Variants in FBXO44 observed in about 807,000 individuals in gnomAD.
FBXO44 encodes the protein F-box only protein 44.
A neutral mutation model predicts 33.5 loss-of-function variants in FBXO44; 25 were observed. The ratio of observed to expected loss-of-function variants is 0.75; its 90% CI spans 0.54 to 1.04. The LOEUF (loss-of-function observed/expected upper bound fraction) is 1.04. FBXO44 is among the 50% of genes least tolerant of loss of function. The pLI is 0.00. For missense variants in FBXO44, 311 were observed against 344.0 expected (o/e 0.90, Z 0.76); for synonymous variants, 147 against 152.8 (o/e 0.96, Z 0.28).
Position 11,661,043 on chromosome 1 carries a change from A to T in FBXO44, c.625-87A>T. 1 of 1,412,474 alleles carries T rather than the reference A, an allele frequency of 7.1e-7. No homozygotes were observed. The highest frequency in any genetic ancestry group is 2.0e-5 in the Admixed American group (1 of 48,792). The allele number at this position is 1,412,474 out of a possible 1,614,324, so 87.5% of individuals were successfully genotyped here. A position where few individuals can be genotyped will look rare whatever the true frequency, so the allele number is the denominator to read the frequency against. ...AACAACCCTCCCACCTCAGCCTCCC[A>T]AAGTACTGGGATTCCCGGTGTGAGC... On this transcript the variant is annotated intron_variant, in intron 5 of 5. Coordinates refer to ENST00000251547, the MANE Select transcript of FBXO44 (RefSeq NM_033182.7). The surrounding 1 kb of genome is among the most constrained non-coding windows in gnomAD (Gnocchi z 4.4).
Position 11,661,213 on chromosome 1 carries a change from C to T in FBXO44, c.708C>T (p.Ala236=), listed in dbSNP as rs200925171. 142 of 1,614,130 alleles carry T rather than the reference C, an allele frequency of 8.8e-5. No homozygotes were observed. The highest frequency in any genetic ancestry group is 6.3e-4 in the African/African-American group (47 of 75,048). ...GCGGCGTGGACACTCATTACTGGGCCGGCTGGTACGGCCCGAGGGTCACCA... is the reference window on the plus strand; with the variant it reads ...GCGGCGTGGACACTCATTACTGGGCTGGCTGGTACGGCCCGAGGGTCACCA... ...QHGGVDTHYW[A]GWYGPRVTNS... is the part of the protein sequence containing the mutation. Residue 236 remains alanine (A), a synonymous_variant, in exon 6 of 6, where the codon GCC becomes GCT. Coordinates refer to ENST00000251547, the MANE Select transcript of FBXO44 (RefSeq NM_033182.7). This position sits in a 1 kb window ranked among gnomAD's most constrained non-coding sequence, Gnocchi z 4.4.
Position 11,661,023 on chromosome 1 carries a change from C to A in FBXO44, c.625-107C>A. ...GTTGCAAACTCCTGGGCTCAAACAA[C>A]CCTCCCACCTCAGCCTCCCAAAGTA... On this transcript the variant is annotated intron_variant, in intron 5 of 5. Coordinates refer to ENST00000251547, the MANE Select transcript of FBXO44 (RefSeq NM_033182.7). The surrounding 1 kb of genome is among the most constrained non-coding windows in gnomAD (Gnocchi z 4.4). 8.3e-7 allele frequency: 1 copy of A among 1,203,116 alleles called. No individual in the cohort carries two copies. Among genetic ancestry groups the A allele is most frequent in the Non-Finnish European group, 1.2e-6 (1 of 853,174 alleles). 74.5% of individuals were successfully genotyped at this position (1,203,116 alleles called of 1,614,324 possible).
intron 1 of FBXO44, 114 bp from the exon 2 acceptor site, chr1:11,655,692 C>G (rs1356640882): frequency 8.8e-7 from 1 of 1,131,340 alleles, no homozygotes; most frequent in South Asian, 1.5e-5. Context: ...CCCCAGTGAC[C>G]CCTGGAGGTA....
Position 11,658,322 on chromosome 1 carries a change from G to A in FBXO44, c.321G>A (p.Glu107=). The A allele has an allele frequency of 6.2e-7, 1 of 1,613,250 alleles. No individual in the cohort carries two copies. ...ATGGAGGCGATGAGTGGAAGGTGGA[G>A]GATCTCTCTCGAGACCAGAGGAAGG... ...DVNGGDEWKV[E]DLSRDQRKEF... is the part of the protein sequence containing the mutation. Residue 107 remains glutamate (E), a synonymous_variant, in exon 3 of 6, where the codon GAG becomes GAA. Coordinates refer to ENST00000251547, the MANE Select transcript of FBXO44 (RefSeq NM_033182.7).
chr1:11,655,497 C>A, intron 1 of FBXO44: 1 of 347,972 alleles, frequency 2.9e-6, no homozygotes, highest in Non-Finnish European at 5.4e-6. Context: ...CATTATATCC[C>A]CATTAAAGAC....
chr1:11,659,453 T>C (rs1216666831), intron 5 of FBXO44, among the ~76,000 whole-genome samples: 2 of 152,254 alleles, frequency 1.3e-5, no homozygotes, highest in African/African-American at 4.8e-5. Context: ...TATTGATTAC[T>C]ACTGTTTTCT....
intron 5 of FBXO44, 55 bp downstream of exon 5, chr1:11,658,926 G>C (rs1161104464): frequency 6.3e-7 from 1 of 1,592,584 alleles, no homozygotes; most frequent in East Asian, 2.2e-5. Context: ...CTGAGGCTGT[G>C]GTCAGACGGG....
In FBXO44 at chr1:11,662,699, C is replaced by T. The variant is rs1640255915; in HGVS notation, c.*1426C>T. On this transcript the variant is annotated 3_prime_UTR_variant, in exon 6 of 6. Transcript: ENST00000251547. ...ACAGTTGGTGCGTGATATGGTTAAG[C>T]TTTGTGTCCCCACCCACATCTCATC... is the stretch of plus-strand genomic sequence containing the variant. The T allele has an allele frequency of 6.6e-6, 1 of 152,238 alleles. No individual in the cohort carries two copies. Among genetic ancestry groups the T allele is most frequent in the Non-Finnish European group, 1.5e-5 (1 of 68,074 alleles). The allele number at this position is 152,238 out of a possible 1,614,324, so 9.4% of individuals were successfully genotyped here. A position where few individuals can be genotyped will look rare whatever the true frequency, so the allele number is the denominator to read the frequency against.
At chr1:11,654,462 C>A, upstream of FBXO44, 1 of 1,046,070 alleles carries the variant, frequency 9.6e-7, no homozygotes, top group Non-Finnish European at 1.2e-6. Flanking sequence ...CTCTTAAAGG[C>A]CCCCGACCCG....
Position 11,661,847 on chromosome 1 carries a change from GC to G in FBXO44, c.*576del, listed in dbSNP as rs1289224607. The G allele has an allele frequency of 6.5e-6, 1 of 154,662 alleles. No homozygotes were observed. The highest frequency in any genetic ancestry group is 1.4e-5 in the Non-Finnish European group (1 of 69,720). 9.6% of individuals were successfully genotyped at this position (154,662 alleles called of 1,614,324 possible). Reference sequence around the variant, plus strand: ...AGGTGGCTTTGGCCCAGAGGCTCAGGCCGGGACTGAGATGGACAGACCCAGG... The same window carrying G: ...AGGTGGCTTTGGCCCAGAGGCTCAGGCGGGACTGAGATGGACAGACCCAGG... On this transcript the variant is annotated 3_prime_UTR_variant, in exon 6 of 6. Transcript: ENST00000251547. This position sits in a 1 kb window ranked among gnomAD's most constrained non-coding sequence, Gnocchi z 4.4.
At chr1:11,658,694 C>G (rs749796397) in intron 4 of FBXO44, 42 bp from the exon 5 acceptor site, 1 of 1,611,884 alleles carries the variant, frequency 6.2e-7, no homozygotes, top group Non-Finnish European at 8.5e-7. Context: ...CCGCCCTGCC[C>G]CCAATCTCCG....
chr1:11,660,407 G>A (rs777217324), intron 5 of FBXO44, among the ~76,000 whole-genome samples: 19 of 152,122 alleles, frequency 1.2e-4, no homozygotes, highest in South Asian at 2.1e-4. Context: ...TGATCCACCC[G>A]CCTCAGCCTC....
chr1:11,658,629 G>C lies in FBXO44; in HGVS notation c.488+1G>C, dbSNP rs1639974677. 6.2e-7 allele frequency: 1 copy of C among 1,613,506 alleles called. No homozygotes were observed. The highest frequency in any genetic ancestry group is 8.5e-7 in the Non-Finnish European group (1 of 1,179,954). On this transcript the variant is annotated splice_donor_variant, in intron 4 of 5. Coordinates refer to ENST00000251547, the MANE Select transcript of FBXO44 (RefSeq NM_033182.7). LOFTEE classifies it high-confidence loss of function. ...GGCCGGACATCGAGGTCAAGGACTG[G>C]TGAGTGCCTGGGGCGAGGGTCTGGG... is the stretch of plus-strand genomic sequence containing the variant.
chr1:11,660,391 C>T (rs1640105727), intron 5 of FBXO44, among the ~76,000 whole-genome samples: 1 of 152,168 alleles, frequency 6.6e-6, no homozygotes, highest in Non-Finnish European at 1.5e-5. Context: ...ATCTCCCGAC[C>T]TCAGGTGATC....
Position 11,658,949 on chromosome 1 carries a change from A to T in FBXO44, c.624+78A>T. On this transcript the variant is annotated intron_variant, in intron 5 of 5. Transcript: ENST00000251547. ...GTGGTCAGACGGGGCCTAGGTTCAG[A>T]TCCAAGCTCTGCACCTTCTCACCTG... 2.6e-6 allele frequency: 4 copies of T among 1,558,974 alleles called. No individual in the cohort carries two copies. In the South Asian group the frequency reaches 4.5e-5, roughly 18 times the overall value.
At position 11,661,502 on chromosome 1, in the gene FBXO44, G is replaced by A. The variant is rs959398654; in HGVS notation, c.*229G>A. 57 of 560,188 alleles carry A rather than the reference G, an allele frequency of 1.0e-4. No homozygotes were observed. The highest frequency in any genetic ancestry group is 1.4e-4 in the Non-Finnish European group (45 of 327,784). The allele number at this position is 560,188 out of a possible 1,614,324, so 34.7% of individuals were successfully genotyped here. A position where few individuals can be genotyped will look rare whatever the true frequency, so the allele number is the denominator to read the frequency against. ...CTGAATGATGGCCGGGGAAGCCTGC[G>A]TGTGCCCCTTTCAGAGACGGAGCAC... On this transcript the variant is annotated 3_prime_UTR_variant, in exon 6 of 6. Transcript: ENST00000251547. The surrounding 1 kb of genome is among the most constrained non-coding windows in gnomAD (Gnocchi z 4.4).
intron 5 of FBXO44, among the ~76,000 whole-genome samples, chr1:11,660,688 TG>T (rs562965508): frequency 2.0e-5 from 3 of 152,218 alleles, no homozygotes; most frequent in Non-Finnish European, 4.4e-5. Flanking sequence ...GATTTCTAGC[TG>T]GCACCAAGAA....
chr1:11,658,871 G>A lies in FBXO44; in HGVS notation c.624G>A (p.Glu208=). 1 of 1,605,900 alleles carries A rather than the reference G, an allele frequency of 6.2e-7. No homozygotes were observed. The highest frequency in any genetic ancestry group is 8.5e-7 in the Non-Finnish European group (1 of 1,179,914). The part of the protein sequence containing the change: ...IQQKSDAKWR[E]VSHTFSNYPP... Reference sequence around the variant, plus strand: ...AGAAGAGCGATGCCAAGTGGAGGGAGGTGCGTGGGCCTGGGGGACGGGGGC... The same window carrying A: ...AGAAGAGCGATGCCAAGTGGAGGGAAGTGCGTGGGCCTGGGGGACGGGGGC... The change falls in exon 5 of 6, where the codon GAG becomes GAA. Residue 208 remains glutamate (E), a splice_region_variant and synonymous_variant. Transcript: ENST00000251547.
chr1:11,657,021 C>T (rs1639857770), intron 2 of FBXO44, among the ~76,000 whole-genome samples: 1 of 152,160 alleles, frequency 6.6e-6, no homozygotes, highest in East Asian at 1.9e-4. Flanking sequence ...TCCACTGATC[C>T]TTGCTTGCTG....
Sources: gnomAD v4.1 joint callset for allele counts (sites outside exome capture counted in the v4.1 genomes callset) on GRCh38, gnomAD v4.1.1 for gene constraint, Gnocchi (gnomAD v3.1) non-coding constraint, MANE v1.5 for transcripts, NCBI Gene and HGNC (gene_info 2026-07-23, HGNC 2026-07-21) for gene names.